NEDD4: variants seen among roughly 807,000 people sequenced by gnomAD.
The protein encoded by NEDD4 is NEDD4 E3 ubiquitin protein ligase.
In NEDD4, 99 loss-of-function variants were observed where a neutral mutation model predicts 144.9. That is an observed-to-expected ratio of 0.68 (90% confidence interval 0.58 to 0.81). NEDD4 has a LOEUF of 0.81. Ranked by LOEUF, NEDD4 falls within the 30% of genes least tolerant of loss-of-function variation. NEDD4 has a pLI of 0.00. For missense variants in NEDD4, 985 were observed against 1,065.9 expected, an observed-to-expected ratio of 0.92 and a Z score of 1.06; for synonymous variants, 318 against 350.6, an observed-to-expected ratio of 0.91 and a Z score of 1.04.
At chr15:55,986,518 C>A (rs186648106) in intron 1 of NEDD4, among the ~76,000 whole-genome samples, 226 of 148,710 alleles carry the variant, frequency 1.5e-3, no homozygotes, top group African/African-American at 5.2e-3. Context: ...CATCAAGAAA[C>A]ACTAAACAGA....
chr15:55,839,753 G>A (rs567913621), intron 21 of NEDD4, among the ~76,000 whole-genome samples: 7 of 151,416 alleles, frequency 4.6e-5, no homozygotes, highest in East Asian at 2.0e-4. Context: ...TGAGGCAGGC[G>A]GATAACGAGG....
chr15:55,933,249 T>C (rs2036817509), intron 4 of NEDD4, among the ~76,000 whole-genome samples: 1 of 152,060 alleles, frequency 6.6e-6, no homozygotes, highest in Admixed American at 6.6e-5. Context: ...ATTGCAGCAC[T>C]ATTCACAATA....
intron 7 of NEDD4, among the ~76,000 whole-genome samples, chr15:55,870,947 T>C (rs1169675886): frequency 1.3e-5 from 2 of 152,180 alleles, no homozygotes; most frequent in African/African-American, 4.8e-5. Flanking sequence ...TTTACAGATA[T>C]CAGATATGTA....
intron 7 of NEDD4, among the ~76,000 whole-genome samples, chr15:55,870,520 CTTCTTCTTCT>C (rs1334978589): frequency 7.5e-5 from 6 of 79,824 alleles, no homozygotes; most frequent in Admixed American, 1.4e-4. Context: ...TTTTCTTCTT[CTTCTTCTTCT>C]TTTTTTTTTT....
intron 5 of NEDD4, chr15:55,916,633 G>A (rs767985180): frequency 1.2e-6 from 2 of 1,613,986 alleles, no homozygotes; most frequent in East Asian, 2.2e-5. Context: ...TCTTGAGACT[G>A]AACGTTTTCC....
At chr15:55,848,938 A>G (rs1313279642) in intron 14 of NEDD4, 52 bp from the exon 15 acceptor site, 1 of 1,394,422 alleles carries the variant, frequency 7.2e-7, no homozygotes, top group Non-Finnish European at 1.0e-6. Flanking sequence ...TAAAATAATC[A>G]AAGTCAGTCT....
chr15:55,848,341 C>T lies in NEDD4; in HGVS notation c.1542+31G>A, dbSNP rs921308569. The stretch of plus-strand genomic sequence containing the variant: ...TTGAAGAGACAGGTGAGCGGACAGT[C>T]CCATCAGAGCACACTGGCAGAGAGA... On this transcript the variant is annotated intron_variant, in intron 17 of 28. Coordinates refer to ENST00000435532, the MANE Select transcript of NEDD4 (RefSeq NM_006154.4). 3 of 1,605,516 alleles carry T rather than the reference C, an allele frequency of 1.9e-6. No homozygotes were observed. In the South Asian group the frequency reaches 3.3e-5, roughly 18 times the overall value.
intron 21 of NEDD4, among the ~76,000 whole-genome samples, chr15:55,839,325 G>A (rs1002503445): frequency 5.3e-5 from 8 of 152,114 alleles, no homozygotes; most frequent in Non-Finnish European, 1.0e-4. Context: ...CCCTGTGTCC[G>A]GCACTAAGTG....
At chr15:55,901,882 T>G (rs1260549367) in intron 5 of NEDD4, among the ~76,000 whole-genome samples, 2 of 152,122 alleles carry the variant, frequency 1.3e-5, no homozygotes, top group Non-Finnish European at 2.9e-5. Flanking sequence ...AAATTTCCAG[T>G]ACTTGAAACA....
chr15:55,929,520 T>C lies in NEDD4; in HGVS notation c.238-4821A>G, dbSNP rs140317557. ...CCCTCAAGCAGGCCGCGGTGTCTATTGTTCCTGTCTTTGTATCCATGTGTA... is the reference window on the plus strand; with the variant it reads ...CCCTCAAGCAGGCCGCGGTGTCTATCGTTCCTGTCTTTGTATCCATGTGTA... On this transcript the variant is annotated intron_variant, in intron 4 of 28. Coordinates refer to ENST00000435532, the MANE Select transcript of NEDD4 (RefSeq NM_006154.4). Among the ~76,000 whole-genome samples the C allele has an allele frequency of 5.0e-3, 767 of 152,248 alleles. 7 individuals carry two copies. Among genetic ancestry groups the C allele is most frequent in the African/African-American group, 0.017 (717 of 41,546 alleles).
intron 4 of NEDD4, among the ~76,000 whole-genome samples, chr15:55,950,315 G>GC (rs1218624651): frequency 6.6e-6 from 1 of 152,166 alleles, no homozygotes; most frequent in African/African-American, 2.4e-5. Flanking sequence ...CTTAATTGAT[G>GC]CCTTTGGCTG....
chr15:55,980,625 G>T (rs114053579), intron 1 of NEDD4, among the ~76,000 whole-genome samples: 1 of 152,156 alleles, frequency 6.6e-6, no homozygotes, highest in East Asian at 1.9e-4. Flanking sequence ...ACAGAAAAGA[G>T]ATCGAGTGAA....
intron 24 of NEDD4, among the ~76,000 whole-genome samples, chr15:55,835,563 T>C (rs552350368): frequency 6.6e-6 from 1 of 152,304 alleles, no homozygotes; most frequent in East Asian, 1.9e-4. Context: ...CATTTTCCAT[T>C]GTATCGAGTT....
chr15:55,881,235 G>A (rs1276335526), intron 5 of NEDD4, among the ~76,000 whole-genome samples: 12 of 150,418 alleles, frequency 8.0e-5, no homozygotes, highest in African/African-American at 1.5e-4. Flanking sequence ...TCTACCTCCC[G>A]GGTTCCGGCA....
At chr15:55,987,774 G>T (rs2037916970) in intron 1 of NEDD4, 1 of 82,632 alleles carries the variant, frequency 1.2e-5, no homozygotes, top group African/African-American at 5.1e-5. Context: ...TCAAAGATCA[G>T]ATAGTTGTAG....
intron 1 of NEDD4, among the ~76,000 whole-genome samples, chr15:55,985,579 T>C (rs1268580954): frequency 1.2e-4 from 18 of 152,136 alleles, no homozygotes; most frequent in Admixed American, 1.2e-3. Context: ...TTAAGGATAA[T>C]AAAAGTCAAA....
intron 5 of NEDD4, 198 bp downstream of exon 5, chr15:55,924,448 C>A: frequency 1.8e-6 from 1 of 554,100 alleles, no homozygotes; most frequent in Non-Finnish European, 3.2e-6. Flanking sequence ...AGAAGAGGTG[C>A]TTGGGAGGAG....
Position 55,840,678 on chromosome 15 carries a change from C to T in NEDD4, c.1888G>A (p.Asp630Asn), listed in dbSNP as rs1408848837. Reference sequence around the variant, plus strand: ...ATAAACTTGAAGTAAGAGAGGTGATCTTCGTTACACAATCCAGAGTTTGGA... The same window carrying T: ...ATAAACTTGAAGTAAGAGAGGTGATTTTCGTTACACAATCCAGAGTTTGGA... ...INPNSGLCNE[D>N]HLSYFKFIGR... Residue 630 changes from aspartate (D) to asparagine (N), a missense_variant, in exon 20 of 29, where the codon GAT (aspartate) becomes AAT (asparagine). Asp to Asn is a conservative substitution (Grantham distance 23). Transcript: ENST00000435532. The T allele has an allele frequency of 1.2e-6, 2 of 1,613,926 alleles. No individual in the cohort carries two copies. Among genetic ancestry groups the T allele is most frequent in the Non-Finnish European group, 8.5e-7 (1 of 1,179,982 alleles).
intron 2 of NEDD4, among the ~76,000 whole-genome samples, chr15:55,956,699 TTATTATAACTGTG>T (rs1250552676): frequency 4.6e-5 from 7 of 152,230 alleles, no homozygotes; most frequent in African/African-American, 1.7e-4. Context: ...CCACTCTGTC[TTATTATAACTGTG>T]TAGCAAGTCT....
Sources: gnomAD v4.1 joint callset for allele counts (sites outside exome capture counted in the v4.1 genomes callset) on GRCh38, gnomAD v4.1.1 for gene constraint, MANE v1.5 for transcripts, NCBI Gene and HGNC (gene_info 2026-07-23, HGNC 2026-07-21) for gene names.